The following NKAIN2 variants were observed in gnomAD, a reference collection of about 807,000 sequenced individuals.
NKAIN2 encodes the protein sodium/potassium-transporting ATPase subunit beta-1-interacting protein 2.
NKAIN2 carries 14 observed loss-of-function variants against 32.6 expected under a neutral mutation model. The observed-to-expected ratio is 0.43, with a 90% CI of 0.28 to 0.67. NKAIN2 has a LOEUF of 0.67. Ranked by LOEUF, NKAIN2 falls within the 30% of genes least tolerant of loss-of-function variation. The pLI is 0.17. For missense variants in NKAIN2, 198 were observed against 258.3 expected (o/e 0.77, Z 1.60); for synonymous variants, 80 against 87.2 (o/e 0.92, Z 0.46).
intron 3 of NKAIN2, among the ~76,000 whole-genome samples, chr6:124,360,068 A>T (rs150128962): frequency 1.3e-5 from 2 of 152,126 alleles, no homozygotes; most frequent in Non-Finnish European, 2.9e-5. Flanking sequence ...TATATGCTGG[A>T]TTACGTATAT....
chr6:123,947,888 C>A (rs1410000502), intron 1 of NKAIN2, among the ~76,000 whole-genome samples: 1 of 152,004 alleles, frequency 6.6e-6, no homozygotes, highest in Admixed American at 6.6e-5. Context: ...ACCCATTAAC[C>A]AAATTCTCTA....
At chr6:123,815,660 A>AT (rs1773662643) in intron 1 of NKAIN2, among the ~76,000 whole-genome samples, 1 of 151,726 alleles carries the variant, frequency 6.6e-6, no homozygotes, top group East Asian at 1.9e-4. Context: ...TAAATTCTTA[A>AT]TTTTTTTTGT....
At chr6:124,697,071 C>T (rs746394091) in intron 4 of NKAIN2, among the ~76,000 whole-genome samples, 2 of 152,022 alleles carry the variant, frequency 1.3e-5, no homozygotes, top group Non-Finnish European at 2.9e-5. Flanking sequence ...TAATATTAAT[C>T]GTTTTTCCCC....
chr6:124,664,145 G>A (rs1309065037), intron 4 of NKAIN2, among the ~76,000 whole-genome samples: 1 of 151,782 alleles, frequency 6.6e-6, no homozygotes. Context: ...CATGGTGGCG[G>A]ATGCATGTCA....
intron 4 of NKAIN2, among the ~76,000 whole-genome samples, chr6:124,757,367 T>C (rs114470792): frequency 6.6e-6 from 1 of 152,122 alleles, no homozygotes; most frequent in Non-Finnish European, 1.5e-5. Flanking sequence ...GTCACTCTCA[T>C]ATATTGATAC....
chr6:124,270,204 T>G (rs1473418633), intron 1 of NKAIN2, among the ~76,000 whole-genome samples: 1 of 152,184 alleles, frequency 6.6e-6, no homozygotes, highest in Admixed American at 6.5e-5. Flanking sequence ...GGTAATGACA[T>G]TGTTAAGTCA....
At chr6:123,997,643 GC>G (rs2114704032) in intron 1 of NKAIN2, among the ~76,000 whole-genome samples, 1 of 114,724 alleles carries the variant, frequency 8.7e-6, no homozygotes, top group South Asian at 2.9e-4. Flanking sequence ...TCGCTCTGTT[GC>G]CCAGGCTGGA....
At chr6:124,748,680 TTTTCTGC>T (rs1314265616) in intron 4 of NKAIN2, among the ~76,000 whole-genome samples, 1 of 151,900 alleles carries the variant, frequency 6.6e-6, no homozygotes, top group Non-Finnish European at 1.5e-5. Flanking sequence ...TATCGTCTTG[TTTTCTGC>T]TATTCAGAGC....
rs367683563 is a variant in NKAIN2, at chr6:124,759,754, A to G, written c.475-31585A>G. ...TTCTCCCAACATTCATGTGTTGGAA[A>G]TATATTTCCCAATGCAACAGCGTTG... On this transcript the variant is annotated intron_variant, in intron 4 of 6. Coordinates refer to ENST00000368417, the MANE Select transcript of NKAIN2 (RefSeq NM_001040214.3). Among the ~76,000 whole-genome samples the G allele has an allele frequency of 4.6e-5, 7 of 152,058 alleles. 1 individual carries two copies. Among genetic ancestry groups the G allele is most frequent in the Admixed American group, 2.6e-4 (4 of 15,254 alleles).
chr6:124,375,139 T>C (rs1162252066), intron 3 of NKAIN2, among the ~76,000 whole-genome samples: 6 of 152,016 alleles, frequency 3.9e-5, no homozygotes, highest in Admixed American at 2.6e-4. Context: ...ACTCCTTATC[T>C]TCACGTAGGT....
chr6:124,273,017 G>A (rs991774605), intron 1 of NKAIN2, among the ~76,000 whole-genome samples: 1 of 152,164 alleles, frequency 6.6e-6, no homozygotes, highest in African/African-American at 2.4e-5. Context: ...GATTTTACAG[G>A]CTCATAGGTG....
chr6:124,168,671 A>C (rs2114488907), intron 1 of NKAIN2, among the ~76,000 whole-genome samples: 1 of 152,184 alleles, frequency 6.6e-6, no homozygotes, highest in East Asian at 1.9e-4. Context: ...ACACTTAATA[A>C]ATATTTAGGT....
At chr6:124,164,019 T>C (rs1410993119) in intron 1 of NKAIN2, among the ~76,000 whole-genome samples, 1 of 152,022 alleles carries the variant, frequency 6.6e-6, no homozygotes, top group African/African-American at 2.4e-5. Flanking sequence ...CACCAATGGA[T>C]AGTCCATATT....
intron 4 of NKAIN2, among the ~76,000 whole-genome samples, chr6:124,692,946 G>T (rs1388616465): frequency 6.6e-6 from 1 of 152,132 alleles, no homozygotes; most frequent in East Asian, 1.9e-4. Flanking sequence ...ACCTATTGTT[G>T]GAGCATTTAG....
intron 2 of NKAIN2, among the ~76,000 whole-genome samples, chr6:124,317,262 T>C (rs1250178164): frequency 6.6e-6 from 1 of 152,140 alleles, no homozygotes; most frequent in Non-Finnish European, 1.5e-5. Context: ...ACTGTGGTCT[T>C]TTCTCAAGTT....
At chr6:123,871,056 C>T (rs897509311) in intron 1 of NKAIN2, among the ~76,000 whole-genome samples, 3 of 152,052 alleles carry the variant, frequency 2.0e-5, no homozygotes, top group African/African-American at 4.8e-5. Flanking sequence ...TTACACATTA[C>T]CTATTCATTT....
chr6:124,642,000 A>T (rs563013804), intron 3 of NKAIN2, among the ~76,000 whole-genome samples: 1 of 152,198 alleles, frequency 6.6e-6, no homozygotes, highest in Non-Finnish European at 1.5e-5. Context: ...AGCTGGAGTT[A>T]ACCCTAGCTA....
At chr6:123,971,898 A>G (rs371624622) in intron 1 of NKAIN2, among the ~76,000 whole-genome samples, 1 of 152,176 alleles carries the variant, frequency 6.6e-6, no homozygotes, top group African/African-American at 2.4e-5. Flanking sequence ...AAGAGTCTGG[A>G]CAAGTAAAAT....
chr6:124,166,637 T>G (rs1266152560), intron 1 of NKAIN2, among the ~76,000 whole-genome samples: 1 of 151,976 alleles, frequency 6.6e-6, no homozygotes, highest in East Asian at 1.9e-4. Flanking sequence ...CTTCTAGGGT[T>G]TTTATGGTTT....
Sources: allele counts gnomAD v4.1 joint callset (sites outside exome capture counted in the v4.1 genomes callset), GRCh38; gene constraint gnomAD v4.1.1; transcripts MANE v1.5; gene names NCBI Gene and HGNC (gene_info 2026-07-23, HGNC 2026-07-21).